The following EML6 variants were observed in gnomAD, a reference collection of about 807,000 sequenced individuals.
EML6 encodes the protein echinoderm microtubule-associated protein-like 6.
In EML6, 154 loss-of-function variants were observed where a neutral mutation model predicts 240.1. The ratio of observed to expected loss-of-function variants is 0.64; its 90% CI spans 0.56 to 0.73. EML6 has a LOEUF of 0.73. Ranked by LOEUF, EML6 falls within the 30% of genes least tolerant of loss-of-function variation. The pLI is 0.00. For synonymous variants in EML6, 1,148 were observed against 899.0 expected (o/e 1.28, Z -4.95); for missense variants, 2,964 against 2,474.6 (o/e 1.20, Z -4.20).
chr2:54,963,862 A>G (rs1283744754), intron 36 of EML6, 124 bp from the exon 37 acceptor site: 5 of 774,178 alleles, frequency 6.5e-6, no homozygotes, highest in Non-Finnish European at 8.0e-6. Flanking sequence ...CTAAGAAGCA[A>G]GAGATTTGGT....
At position 54,844,148 on chromosome 2, in the gene EML6, A is replaced by G; in HGVS notation, c.949A>G (p.Met317Val). Residue 317 changes from methionine to valine, a missense_variant, in exon 8 of 42, where the codon ATG (methionine) becomes GTG (valine). Transcript: ENST00000356458. ...EVIVRERDKP[M>V]LILQGHCEGE... is the part of the protein sequence containing the mutation. ...GATTGTGCGAGAGCGAGACAAGCCGATGTTGATCCTACAGGGCCACTGCGA... is the reference window on the plus strand; with the variant it reads ...GATTGTGCGAGAGCGAGACAAGCCGGTGTTGATCCTACAGGGCCACTGCGA... 6.4e-7 allele frequency: 1 copy of G among 1,551,724 alleles called. No homozygotes were observed. The highest frequency in any genetic ancestry group is 8.7e-7 in the Non-Finnish European group (1 of 1,146,996).
chr2:54,888,006 T>C (rs2090132634), intron 17 of EML6, among the ~76,000 whole-genome samples: 1 of 152,226 alleles, frequency 6.6e-6, no homozygotes, highest in Non-Finnish European at 1.5e-5. Flanking sequence ...ACACATATTT[T>C]TCATGTAGCG....
chr2:54,950,913 C>T (rs1414876660), intron 30 of EML6, 134 bp downstream of exon 30: 3 of 967,228 alleles, frequency 3.1e-6, no homozygotes, highest in African/African-American at 1.7e-5. Context: ...AGCATGGTCT[C>T]AGTTAGGCCT....
intron 21 of EML6, among the ~76,000 whole-genome samples, chr2:54,899,141 AG>A (rs1334145029): frequency 6.6e-6 from 1 of 152,238 alleles, no homozygotes; most frequent in Non-Finnish European, 1.5e-5. Context: ...ACACATTCAA[AG>A]GACTAAAATT....
chr2:54,908,779 A>G (rs1673481262), intron 24 of EML6, among the ~76,000 whole-genome samples: 1 of 152,140 alleles, frequency 6.6e-6, no homozygotes, highest in Non-Finnish European at 1.5e-5. Flanking sequence ...GCACCAACTG[A>G]TTCAGCCTCT....
At chr2:54,804,293 C>G (rs1670348399) in intron 2 of EML6, among the ~76,000 whole-genome samples, 1 of 152,212 alleles carries the variant, frequency 6.6e-6, no homozygotes, top group Non-Finnish European at 1.5e-5. Context: ...ATACAACCCT[C>G]AATGCTTGAG....
chr2:54,873,554 G>A (rs1671362774), intron 16 of EML6, among the ~76,000 whole-genome samples: 1 of 151,756 alleles, frequency 6.6e-6, no homozygotes, highest in African/African-American at 2.4e-5. Context: ...TGTAATTTTA[G>A]TTCAAATACG....
chr2:54,840,670 A>G (rs1292649694), intron 7 of EML6, among the ~76,000 whole-genome samples: 1 of 152,174 alleles, frequency 6.6e-6, no homozygotes, highest in Non-Finnish European at 1.5e-5. Flanking sequence ...AAGGACTCAA[A>G]TATTTGATTT....
At chr2:54,924,300 G>C (rs551884468) in intron 26 of EML6, among the ~76,000 whole-genome samples, 2 of 152,324 alleles carry the variant, frequency 1.3e-5, no homozygotes, top group South Asian at 4.1e-4. Context: ...CAGGGGAGTA[G>C]ATGGTGCCAT....
At chr2:54,881,773 G>C (rs1478059677) in intron 17 of EML6, 1 of 152,128 alleles carries the variant, frequency 6.6e-6, no homozygotes, top group East Asian at 1.9e-4. Flanking sequence ...AATTCACAGA[G>C]AAGCTGATTC....
chr2:54,839,557 T>C (rs750648225), intron 7 of EML6, among the ~76,000 whole-genome samples: 17 of 152,266 alleles, frequency 1.1e-4, no homozygotes, highest in Non-Finnish European at 2.4e-4. Context: ...CAACTCCTTC[T>C]CTTGTTCTCT....
In EML6 at chr2:54,862,365, A is replaced by C. The variant is rs1410268795; in HGVS notation, c.1826-1418A>C. The stretch of plus-strand genomic sequence containing the variant: ...AAAAAAAAAAAAAAAAAAAAAAAAA[A>C]CTTTCTCTGAAGAGTACTGCCACTG... On this transcript the variant is annotated intron_variant, in intron 12 of 41. Transcript: ENST00000356458. Among the ~76,000 whole-genome samples, 3 of 136,460 alleles carry C rather than the reference A, an allele frequency of 2.2e-5. No individual in the cohort carries two copies. The East Asian group carries it at 7.4e-4, about 34-fold the overall frequency. The allele number at this position is 136,460 out of a possible 152,430, so 89.5% of individuals were successfully genotyped here.
chr2:54,913,384 A>G (rs1001089434), intron 25 of EML6, among the ~76,000 whole-genome samples: 1 of 151,684 alleles, frequency 6.6e-6, no homozygotes, highest in Non-Finnish European at 1.5e-5. Flanking sequence ...AGTAGCTGGG[A>G]CTGTAGATGC....
intron 28 of EML6, among the ~76,000 whole-genome samples, chr2:54,935,497 C>T (rs971802124): frequency 1.3e-5 from 2 of 152,062 alleles, no homozygotes; most frequent in Non-Finnish European, 2.9e-5. Flanking sequence ...CAGAGATGGC[C>T]AGCAAAAATT....
intron 2 of EML6, among the ~76,000 whole-genome samples, chr2:54,758,057 A>C (rs1667816506): frequency 6.6e-6 from 1 of 151,924 alleles, no homozygotes; most frequent in Admixed American, 6.6e-5. Context: ...AATGCCAGTC[A>C]CCGTAATTTT....
chr2:54,785,934 A>AATAT (rs1352905071), intron 2 of EML6, among the ~76,000 whole-genome samples: 1 of 149,686 alleles, frequency 6.7e-6, no homozygotes, highest in East Asian at 1.9e-4. Context: ...TGTATATATA[A>AATAT]ATATATATAT....
chr2:54,932,241 C>A (rs1000214171), intron 28 of EML6, among the ~76,000 whole-genome samples: 1 of 152,324 alleles, frequency 6.6e-6, no homozygotes, highest in South Asian at 2.1e-4. Flanking sequence ...TTTCCTCTAA[C>A]ACACTGGGAT....
chr2:54,738,638 G>A (rs1364460488), intron 2 of EML6, among the ~76,000 whole-genome samples: 2 of 152,108 alleles, frequency 1.3e-5, no homozygotes, highest in Non-Finnish European at 2.9e-5. Context: ...TTTGCTTAAG[G>A]TACTTTTAAA....
In EML6 at chr2:54,910,930, C is replaced by G. The variant is rs1190999776; in HGVS notation, c.3410-24C>G. 6 of 1,289,914 alleles carry G rather than the reference C, an allele frequency of 4.7e-6. No homozygotes were observed. The South Asian group carries it at 5.3e-5, about 11-fold the overall frequency. The allele number at this position is 1,289,914 out of a possible 1,614,324, so 79.9% of individuals were successfully genotyped here. On this transcript the variant is annotated intron_variant, in intron 24 of 41. Transcript: ENST00000356458. ...AGATAAAGTCAGATTTTAATTATCT[C>G]TCTACTTCGTTCTGTCGTAACAGGA...
Sources: gnomAD v4.1 joint callset for allele counts (sites outside exome capture counted in the v4.1 genomes callset) on GRCh38, gnomAD v4.1.1 for gene constraint, MANE v1.5 for transcripts, NCBI Gene and HGNC (gene_info 2026-07-23, HGNC 2026-07-21) for gene names.